Variants in RSPO3 observed in about 807,000 individuals in gnomAD.
RSPO3 encodes the protein R-spondin 3.
In RSPO3, 17 loss-of-function variants were observed where a neutral mutation model predicts 36.5. The ratio of observed to expected loss-of-function variants is 0.47; its 90% CI spans 0.32 to 0.70. The LOEUF is 0.70. RSPO3 is among the 30% of genes least tolerant of loss of function. The pLI is 0.04. For missense variants in RSPO3, 294 were observed against 322.5 expected (o/e 0.91, Z 0.68); for synonymous variants, 108 against 107.0 (o/e 1.01, Z -0.06).
intron 1 of RSPO3, among the ~76,000 whole-genome samples, chr6:127,137,721 T>C (rs1050949815): frequency 2.6e-5 from 4 of 152,154 alleles, no homozygotes; most frequent in African/African-American, 9.7e-5. Context: ...CCCCTTTCCA[T>C]TTGTCTCAGT....
At chr6:127,123,698 G>T (rs1178880706) in intron 1 of RSPO3, among the ~76,000 whole-genome samples, 1 of 152,056 alleles carries the variant, frequency 6.6e-6, no homozygotes, top group Non-Finnish European at 1.5e-5. Flanking sequence ...GTAAGAATGA[G>T]TATGAAACTG....
intron 1 of RSPO3, 108 bp from the exon 2 acceptor site, chr6:127,148,540 C>T (rs760835282): frequency 1.3e-5 from 10 of 780,712 alleles, no homozygotes; most frequent in East Asian, 2.7e-5. Flanking sequence ...TCACCCATTA[C>T]CAACAAATTG....
intron 1 of RSPO3, among the ~76,000 whole-genome samples, chr6:127,128,061 C>T (rs149518035): frequency 6.3e-4 from 95 of 151,984 alleles, no homozygotes; most frequent in African/African-American, 2.2e-3. Flanking sequence ...ATCTATGGTG[C>T]GCGTAACCAA....
intron 1 of RSPO3, 65 bp from the exon 2 acceptor site, chr6:127,148,583 A>AGAAAATGTC: frequency 7.2e-7 from 1 of 1,380,600 alleles, no homozygotes; most frequent in African/African-American, 1.4e-5. Context: ...TATCCTGCCC[A>AGAAAATGTC]GAAAATGTCA....
intron 1 of RSPO3, among the ~76,000 whole-genome samples, chr6:127,138,710 C>A (rs1166507656): frequency 2.0e-5 from 3 of 152,076 alleles, no homozygotes; most frequent in African/African-American, 7.2e-5. Context: ...AAAAGTTAAA[C>A]AACTTTTGTC....
chr6:127,162,767 T>C (rs1774733494), intron 4 of RSPO3, among the ~76,000 whole-genome samples: 1 of 152,196 alleles, frequency 6.6e-6, no homozygotes, highest in Non-Finnish European at 1.5e-5. Context: ...TGTTAACAGT[T>C]TTCACCTTTG....
intron 1 of RSPO3, among the ~76,000 whole-genome samples, chr6:127,139,592 T>A (rs1016448815): frequency 2.6e-5 from 4 of 151,714 alleles, no homozygotes; most frequent in Admixed American, 6.6e-5. Flanking sequence ...TAAAAAAAAA[T>A]TTCTAATTAT....
chr6:127,195,722 T>C lies in RSPO3; in HGVS notation c.635-101T>C, dbSNP rs535238425. Reference sequence around the variant, plus strand: ...AGTAGATATTTAGTATCTATCATTATGATATATAATCTAAGAGAAATTTAA... The same window carrying C: ...AGTAGATATTTAGTATCTATCATTACGATATATAATCTAAGAGAAATTTAA... On this transcript the variant is annotated intron_variant, in intron 4 of 4. Transcript: ENST00000356698. 459 of 748,436 alleles carry C rather than the reference T, an allele frequency of 6.1e-4. 2 individuals are homozygous for C. Among genetic ancestry groups the C allele is most frequent in the Non-Finnish European group, 5.6e-4 (272 of 482,768 alleles). The allele number at this position is 748,436 out of a possible 1,614,324, so 46.4% of individuals were successfully genotyped here. A position where few individuals can be genotyped will look rare whatever the true frequency, so the allele number is the denominator to read the frequency against.
At chr6:127,143,701 A>AT (rs1369806802) in intron 1 of RSPO3, among the ~76,000 whole-genome samples, 1 of 152,266 alleles carries the variant, frequency 6.6e-6, no homozygotes, top group South Asian at 2.1e-4. Context: ...GCAATAATGG[A>AT]TTTTTTTCAC....
intron 1 of RSPO3, 113 bp from the exon 2 acceptor site, chr6:127,148,535 C>T: frequency 4.3e-6 from 3 of 692,936 alleles, no homozygotes; most frequent in Non-Finnish European, 6.7e-6. Flanking sequence ...CTCATTCACC[C>T]ATTACCAACA....
At chr6:127,155,147 G>A in intron 3 of RSPO3, 94 bp from the exon 4 acceptor site, 1 of 1,202,980 alleles carries the variant, frequency 8.3e-7, no homozygotes, top group Non-Finnish European at 1.2e-6. Flanking sequence ...TCTCAAATGT[G>A]GGCAAGTTCT....
At chr6:127,120,552 G>T (rs1582780537) in intron 1 of RSPO3, among the ~76,000 whole-genome samples, 1 of 152,226 alleles carries the variant, frequency 6.6e-6, no homozygotes, top group Non-Finnish European at 1.5e-5. Context: ...CAGACGTCGG[G>T]GCAGCGCGGA....
At chr6:127,190,097 T>C (rs1455360383) in intron 4 of RSPO3, among the ~76,000 whole-genome samples, 3 of 152,160 alleles carry the variant, frequency 2.0e-5, no homozygotes, top group Non-Finnish European at 4.4e-5. Flanking sequence ...TAGCAATTCC[T>C]CTTCCTTGCA....
At chr6:127,161,600 C>T (rs567740554) in intron 4 of RSPO3, among the ~76,000 whole-genome samples, 2 of 152,176 alleles carry the variant, frequency 1.3e-5, no homozygotes, top group Non-Finnish European at 2.9e-5. Context: ...CCATGCAATC[C>T]CTTCATTCCT....
At chr6:127,190,940 T>C (rs879423441) in intron 4 of RSPO3, among the ~76,000 whole-genome samples, 5 of 152,188 alleles carry the variant, frequency 3.3e-5, no homozygotes, top group Non-Finnish European at 7.3e-5. Context: ...CATAACCTCA[T>C]TATGTTTAAA....
chr6:127,153,134 T>C lies in RSPO3; in HGVS notation c.437-2107T>C, dbSNP rs368258883. Among the ~76,000 whole-genome samples, 12 of 152,258 alleles carry C rather than the reference T, an allele frequency of 7.9e-5. No individual in the cohort carries two copies. The East Asian group carries it at 1.5e-3, about 20-fold the overall frequency. On this transcript the variant is annotated intron_variant, in intron 3 of 4. Transcript: ENST00000356698. Reference sequence around the variant, plus strand: ...CGGAGCTCATTACCTTTATGAGACATGTGCTTCATTTGCTTCATTAGTGAA... The same window carrying C: ...CGGAGCTCATTACCTTTATGAGACACGTGCTTCATTTGCTTCATTAGTGAA...
intron 1 of RSPO3, among the ~76,000 whole-genome samples, chr6:127,140,070 T>C (rs1475056948): frequency 2.0e-5 from 3 of 152,136 alleles, no homozygotes; most frequent in Non-Finnish European, 4.4e-5. Context: ...AAGTATCCAA[T>C]TTGAAATTAG....
intron 4 of RSPO3, among the ~76,000 whole-genome samples, chr6:127,156,503 T>C (rs1774600257): frequency 6.6e-6 from 1 of 152,224 alleles, no homozygotes; most frequent in Non-Finnish European, 1.5e-5. Context: ...CTATAAATGA[T>C]CTTCTCAATT....
At chr6:127,172,131 T>TCTATAC (rs1194130651) in intron 4 of RSPO3, among the ~76,000 whole-genome samples, 1 of 90,442 alleles carries the variant, frequency 1.1e-5, no homozygotes, top group East Asian at 3.4e-4. Context: ...GCCATGAAAC[T>TCTATAC]CTATACACTG....
Sources: gnomAD v4.1 joint callset for allele counts (sites outside exome capture counted in the v4.1 genomes callset) on GRCh38, gnomAD v4.1.1 for gene constraint, MANE v1.5 for transcripts, NCBI Gene and HGNC (gene_info 2026-07-23, HGNC 2026-07-21) for gene names.